The following MCF2L variants were observed in gnomAD, a reference collection of about 807,000 sequenced individuals.
MCF2L encodes the protein guanine nucleotide exchange factor DBS.
MCF2L carries 97 observed loss-of-function variants against 153.4 expected under a neutral mutation model. That is an observed-to-expected ratio of 0.63 (90% CI 0.54 to 0.75). MCF2L has a LOEUF of 0.75. Among genes scored for constraint, MCF2L ranks in the 30% least tolerant of loss-of-function variants. The pLI, the probability that MCF2L is intolerant of heterozygous loss-of-function variation, is 0.00. For synonymous variants in MCF2L, 659 were observed against 632.2 expected, an observed-to-expected ratio of 1.04 and a Z score of -0.64; for missense variants, 1,347 against 1,495.2, an observed-to-expected ratio of 0.90 and a Z score of 1.64.
intron 13 of MCF2L, among the ~76,000 whole-genome samples, chr13:113,077,442 CA>C (rs1410337197): frequency 2.0e-5 from 3 of 152,212 alleles, no homozygotes; most frequent in Non-Finnish European, 4.4e-5. Context: ...CTGTGCCACG[CA>C]CATCTTGTAG....
chr13:112,945,663 T>G (rs1160795586), intron 2 of MCF2L, among the ~76,000 whole-genome samples: 2 of 152,218 alleles, frequency 1.3e-5, no homozygotes, highest in Non-Finnish European at 2.9e-5. Flanking sequence ...GCCTGGATGC[T>G]CACATGGCCT....
At chr13:113,090,494 C>G in intron 26 of MCF2L, 1 of 984,758 alleles carries the variant, frequency 1.0e-6, no homozygotes, top group Non-Finnish European at 1.2e-6. Flanking sequence ...GGGTGCTGAC[C>G]TTGCTGGCTG....
intron 1 of MCF2L, among the ~76,000 whole-genome samples, chr13:112,975,687 G>A (rs1274681710): frequency 6.6e-6 from 1 of 152,218 alleles, no homozygotes; most frequent in Non-Finnish European, 1.5e-5. Flanking sequence ...CTCACATACA[G>A]TTAGGTGTGT....
intron 2 of MCF2L, among the ~76,000 whole-genome samples, chr13:112,918,488 G>A (rs558487580): frequency 6.6e-6 from 1 of 152,316 alleles, no homozygotes; most frequent in African/African-American, 2.4e-5. Context: ...TGCATATGGA[G>A]AGAATGTCCA....
intron 2 of MCF2L, among the ~76,000 whole-genome samples, chr13:112,913,126 CTGAT>C (rs1341962734): frequency 7.8e-6 from 1 of 128,842 alleles, no homozygotes; most frequent in Non-Finnish European, 1.6e-5. Context: ...TGGGATGTGT[CTGAT>C]TGTGTGTCTG....
At chr13:113,090,692 C>T (rs1035813141) in intron 26 of MCF2L, 12 of 985,368 alleles carry the variant, frequency 1.2e-5, no homozygotes, top group Non-Finnish European at 1.4e-5. Context: ...CCCTGGCGTG[C>T]AGGCGGCTCT....
At chr13:113,067,193 T>G (rs1312629449) in intron 8 of MCF2L, among the ~76,000 whole-genome samples, 1 of 152,144 alleles carries the variant, frequency 6.6e-6, no homozygotes, top group East Asian at 1.9e-4. Flanking sequence ...GGTGCACAGC[T>G]GGAGTCCCAG....
Position 113,096,834 on chromosome 13 carries a change from C to T in MCF2L, c.3353C>T (p.Ala1118Val). ...TCCAGCTGCAGCGAGGGCGGCCAGGCCCCCTTCTCCGACCTGCAGGGGTAG... is the reference window on the plus strand; with the variant it reads ...TCCAGCTGCAGCGAGGGCGGCCAGGTCCCCTTCTCCGACCTGCAGGGGTAG... ...NSSSCSEGGQ[A>V]PFSDLQG The change falls in exon 30 of 30, where the codon GCC becomes GTC. Residue 1118 changes from alanine to valine, a missense_variant. Ala to Val is a moderately conservative substitution (Grantham distance 64). Around this residue, in one of 3 missense-constraint regions of MCF2L, gnomAD observed 383 missense variants for 335.4 expected, o/e 1.14. Coordinates refer to ENST00000535094, the MANE Select transcript of MCF2L (RefSeq NM_001112732.3). 2.0e-6 allele frequency: 3 copies of T among 1,515,918 alleles called. No homozygotes were observed. The highest frequency in any genetic ancestry group is 2.6e-6 in the Non-Finnish European group (3 of 1,142,482). The allele number at this position is 1,515,918 out of a possible 1,614,324, so 93.9% of individuals were successfully genotyped here.
At chr13:112,937,179 G>A (rs1015328279) in intron 2 of MCF2L, among the ~76,000 whole-genome samples, 35 of 151,944 alleles carry the variant, frequency 2.3e-4, no homozygotes, top group African/African-American at 7.5e-4. Flanking sequence ...TCAGCCTCCC[G>A]AGTAGCTGCG....
rs142905958 is a variant in MCF2L at position 113,078,759 on chromosome 13, G to T, written c.1808+20G>T. ...GCGCAGGTGGGTGCGCTGCCCTTCTGTCCTCACAGGGGCCCTCCGACCGCA... is the reference window on the plus strand; with the variant it reads ...GCGCAGGTGGGTGCGCTGCCCTTCTTTCCTCACAGGGGCCCTCCGACCGCA... On this transcript the variant is annotated intron_variant, in intron 15 of 29. Transcript: ENST00000535094. 216 of 1,583,774 alleles carry T rather than the reference G, an allele frequency of 1.4e-4. 1 individual carries two copies. In the African/African-American group the frequency reaches 2.7e-3, roughly 20 times the overall value.
intron 1 of MCF2L, among the ~76,000 whole-genome samples, chr13:112,972,956 G>A (rs1435099037): frequency 6.6e-6 from 1 of 151,562 alleles, no homozygotes; most frequent in Admixed American, 6.6e-5. Flanking sequence ...CAGCACGGAG[G>A]GGCTTTGGGG....
intron 3 of MCF2L, among the ~76,000 whole-genome samples, chr13:113,030,525 G>A (rs932211153): frequency 2.0e-5 from 3 of 148,850 alleles, no homozygotes; most frequent in African/African-American, 7.5e-5. Flanking sequence ...GCTGATGCAG[G>A]TGTGGGCCCT....
chr13:112,969,064 G>A (rs2140799985), upstream of MCF2L, among the ~76,000 whole-genome samples: 1 of 151,820 alleles, frequency 6.6e-6, no homozygotes, highest in South Asian at 2.1e-4. The surrounding 1 kb of genome is among the most constrained non-coding windows in gnomAD (Gnocchi z 4.8). Flanking sequence ...GCGGTGACAC[G>A]CGGGGCTCCC....
chr13:112,934,834 C>CT (rs1378374053), intron 2 of MCF2L, among the ~76,000 whole-genome samples: 6 of 152,178 alleles, frequency 3.9e-5, no homozygotes, highest in African/African-American at 1.4e-4. Flanking sequence ...ATAGGCCAGC[C>CT]TTTCCCCTGG....
In MCF2L at chr13:112,960,343, G is replaced by A. The variant is rs1384807509; in HGVS notation, c.170-54420G>A. 6.6e-6 allele frequency among the ~76,000 whole-genome samples: 1 copy of A among 152,200 alleles called. No homozygotes were observed. Among genetic ancestry groups the A allele is most frequent in the Non-Finnish European group, 1.5e-5 (1 of 68,048 alleles). ...GCGCTCGTCCAGTCATGAGGGCAGGGTCCTCAGACCTGGTCACCTCTTCTT... is the reference window on the plus strand; with the variant it reads ...GCGCTCGTCCAGTCATGAGGGCAGGATCCTCAGACCTGGTCACCTCTTCTT... On this transcript the variant is annotated intron_variant, in intron 2 of 29. Coordinates refer to the MCF2L transcript ENST00000375608. This position sits in a 1 kb window ranked among gnomAD's most constrained non-coding sequence, Gnocchi z 4.2.
In MCF2L at chr13:112,917,236, C is replaced by T. The variant is rs111264690; in HGVS notation, c.169+14865C>T. 1,264 of 466,710 alleles carry T rather than the reference C, an allele frequency of 2.7e-3. 13 individuals are homozygous for T. Among genetic ancestry groups the T allele is most frequent in the African/African-American group, 0.023 (1,144 of 50,176 alleles). The allele number at this position is 466,710 out of a possible 1,614,324, so 28.9% of individuals were successfully genotyped here. A position where few individuals can be genotyped will look rare whatever the true frequency, so the allele number is the denominator to read the frequency against. ...CGCCCTGCCTCCGCAGAGCCTCCAC[C>T]CGCATCCTACAGGTCTCCCAGAGCC... On this transcript the variant is annotated intron_variant, in intron 2 of 29. Coordinates refer to the MCF2L transcript ENST00000375608.
chr13:113,087,100 C>A, intron 21 of MCF2L, 135 bp from the exon 22 acceptor site: 1 of 718,640 alleles, frequency 1.4e-6, no homozygotes, highest in Non-Finnish European at 2.3e-6. Flanking sequence ...CACGAGCTTG[C>A]CTTTCCTGGG....
intron 1 of MCF2L, chr13:112,985,155 C>T (rs1315457251): frequency 6.7e-6 from 2 of 299,060 alleles, no homozygotes; most frequent in Non-Finnish European, 1.3e-5. Flanking sequence ...CACGGTGTGT[C>T]GCCTGGACCT....
chr13:113,006,835 A>G (rs2083732742), intron 1 of MCF2L, among the ~76,000 whole-genome samples: 1 of 152,030 alleles, frequency 6.6e-6, no homozygotes, highest in Non-Finnish European at 1.5e-5. Flanking sequence ...ACATGTGCGG[A>G]GGTTTGGCTC....
Sources: allele counts gnomAD v4.1 joint callset (sites outside exome capture counted in the v4.1 genomes callset), GRCh38; gene constraint gnomAD v4.1.1; regional missense constraint gnomAD v4.1.1; non-coding constraint Gnocchi (gnomAD v3.1); transcripts MANE v1.5; gene names NCBI Gene and HGNC (gene_info 2026-07-23, HGNC 2026-07-21).